The following PITPNC1 variants were observed in gnomAD, a reference collection of about 807,000 sequenced individuals.
PITPNC1 encodes phosphatidylinositol transfer protein cytoplasmic 1.
A neutral mutation model predicts 44.7 loss-of-function variants in PITPNC1; 18 were observed. The observed-to-expected ratio is 0.40, with a 90% CI of 0.28 to 0.60. The LOEUF (loss-of-function observed/expected upper bound fraction) is 0.60. PITPNC1 is among the 20% of genes least tolerant of loss of function. The probability of loss-of-function intolerance (pLI) is 0.39; values close to 1 mark genes in which losing one functional copy is unlikely to be tolerated. For missense variants in PITPNC1, 290 were observed against 418.4 expected, an observed-to-expected ratio of 0.69 and a Z score of 2.68; for synonymous variants, 141 against 149.6, an observed-to-expected ratio of 0.94 and a Z score of 0.42.
At chr17:67,647,746 G>A (rs1417203168) in intron 6 of PITPNC1, among the ~76,000 whole-genome samples, 2 of 152,076 alleles carry the variant, frequency 1.3e-5, no homozygotes, top group East Asian at 3.8e-4. Context: ...ACTTGCCCAG[G>A]TTCACACAGT....
chr17:67,626,405 C>G (rs1321834542), intron 5 of PITPNC1, among the ~76,000 whole-genome samples: 1 of 152,162 alleles, frequency 6.6e-6, no homozygotes, highest in Non-Finnish European at 1.5e-5. Flanking sequence ...AAGTCTTGCC[C>G]TGTCGCACAG....
intron 5 of PITPNC1, among the ~76,000 whole-genome samples, chr17:67,616,847 G>A (rs946119614): frequency 7.2e-5 from 11 of 152,104 alleles, no homozygotes; most frequent in Admixed American, 7.2e-4. Context: ...TTCGTCAGCG[G>A]CTTTTTATGT....
intron 1 of PITPNC1, among the ~76,000 whole-genome samples, chr17:67,392,692 G>C (rs926913662): frequency 6.6e-6 from 1 of 152,150 alleles, no homozygotes; most frequent in South Asian, 2.1e-4. Flanking sequence ...GAGAGTCAAA[G>C]ATGTTTTGCT....
At chr17:67,679,234 T>C (rs1567775788) in intron 8 of PITPNC1, among the ~76,000 whole-genome samples, 1 of 152,242 alleles carries the variant, frequency 6.6e-6, no homozygotes, top group African/African-American at 2.4e-5. Context: ...GCCTGGGCGA[T>C]AGAGCGAGCC....
intron 1 of PITPNC1, among the ~76,000 whole-genome samples, chr17:67,485,943 G>A (rs1356882442): frequency 6.6e-6 from 1 of 152,112 alleles, no homozygotes; most frequent in South Asian, 2.1e-4. Context: ...CTCTGCAAAT[G>A]TTACCCTAAC....
At chr17:67,400,099 C>A (rs1288004095) in intron 1 of PITPNC1, among the ~76,000 whole-genome samples, 2 of 152,148 alleles carry the variant, frequency 1.3e-5, no homozygotes, top group African/African-American at 4.8e-5. Flanking sequence ...GGGCTAGGTA[C>A]TGTTTCACAC....
At chr17:67,513,489 G>GTGTGTATA (rs772483698) in intron 1 of PITPNC1, among the ~76,000 whole-genome samples, 13 of 138,662 alleles carry the variant, frequency 9.4e-5, no homozygotes, top group African/African-American at 3.5e-4. Flanking sequence ...GTGTGTGTGT[G>GTGTGTATA]TATATATATA....
chr17:67,414,888 T>G (rs1472621050), intron 1 of PITPNC1, among the ~76,000 whole-genome samples: 2 of 152,098 alleles, frequency 1.3e-5, no homozygotes, highest in Non-Finnish European at 2.9e-5. Context: ...TTTTTTATTT[T>G]TATTTTTTGA....
intron 1 of PITPNC1, among the ~76,000 whole-genome samples, chr17:67,437,599 G>C (rs1240686490): frequency 6.6e-6 from 1 of 152,126 alleles, no homozygotes; most frequent in Non-Finnish European, 1.5e-5. Flanking sequence ...AGCATCACTG[G>C]TTTCTTAGGA....
intron 5 of PITPNC1, among the ~76,000 whole-genome samples, chr17:67,580,835 T>C (rs2041221017): frequency 1.3e-5 from 2 of 152,196 alleles, no homozygotes; most frequent in Middle Eastern, 3.4e-3. Flanking sequence ...GATCACCTGA[T>C]GTCAGGAGTT....
At chr17:67,456,246 G>A (rs1311253981) in intron 1 of PITPNC1, among the ~76,000 whole-genome samples, 1 of 152,038 alleles carries the variant, frequency 6.6e-6, no homozygotes, top group Non-Finnish European at 1.5e-5. Context: ...GTCAGTTTCT[G>A]TCTGGTACAT....
chr17:67,645,343 GAAA>G (rs57827214), intron 6 of PITPNC1, among the ~76,000 whole-genome samples: 2 of 81,304 alleles, frequency 2.5e-5, no homozygotes, highest in Non-Finnish European at 5.3e-5. Flanking sequence ...CTCCATCTCA[GAAA>G]AAAAAAAAAA....
intron 1 of PITPNC1, among the ~76,000 whole-genome samples, chr17:67,448,744 C>T (rs1035947927): frequency 9.2e-5 from 14 of 152,260 alleles, no homozygotes; most frequent in Non-Finnish European, 1.0e-4. Context: ...GCCATACTTA[C>T]TAGGCTGGAG....
intron 1 of PITPNC1, among the ~76,000 whole-genome samples, chr17:67,449,651 C>A (rs544921336): frequency 2.0e-5 from 3 of 152,310 alleles, no homozygotes; most frequent in Admixed American, 2.0e-4. Context: ...ATCTAGACAT[C>A]TCGGAGAATT....
intron 1 of PITPNC1, among the ~76,000 whole-genome samples, chr17:67,428,097 C>G (rs1431622709): frequency 6.6e-6 from 1 of 152,088 alleles, no homozygotes; most frequent in Non-Finnish European, 1.5e-5. Flanking sequence ...TGGGCTCAAG[C>G]AATCCTCCTG....
chr17:67,580,129 A>G (rs1166897535), intron 5 of PITPNC1, among the ~76,000 whole-genome samples: 1 of 152,202 alleles, frequency 6.6e-6, no homozygotes, highest in Non-Finnish European at 1.5e-5. Flanking sequence ...ATCATATAGT[A>G]TGTTATTTTT....
At chr17:67,586,558 G>A (rs921237831) in intron 5 of PITPNC1, among the ~76,000 whole-genome samples, 1 of 151,806 alleles carries the variant, frequency 6.6e-6, no homozygotes, top group African/African-American at 2.4e-5. Context: ...TTGTGCCACC[G>A]CACTCCAGCC....
chr17:67,432,482 C>T (rs578053084), intron 1 of PITPNC1, among the ~76,000 whole-genome samples: 18 of 151,962 alleles, frequency 1.2e-4, no homozygotes, highest in Middle Eastern at 3.4e-3. Context: ...CCAGCATGAG[C>T]GAGAGAGTGA....
chr17:67,447,505 C>T (rs1203211940), intron 1 of PITPNC1, among the ~76,000 whole-genome samples: 3 of 151,870 alleles, frequency 2.0e-5, no homozygotes, highest in African/African-American at 4.8e-5. Flanking sequence ...TAGCTGACTA[C>T]AGGCATGTAC....
Sources: gnomAD v4.1 joint callset for allele counts (sites outside exome capture counted in the v4.1 genomes callset) on GRCh38, gnomAD v4.1.1 for gene constraint, MANE v1.5 for transcripts, NCBI Gene and HGNC (gene_info 2026-07-23, HGNC 2026-07-21) for gene names.